The following TRIO variants were observed in gnomAD, a reference collection of about 807,000 sequenced individuals.
The protein encoded by TRIO is triple functional domain protein.
Under a neutral mutation model 351.9 loss-of-function variants are expected in TRIO, and 58 were observed. The observed-to-expected ratio is 0.16, with a 90% CI of 0.13 to 0.21. TRIO has a LOEUF of 0.21. Ranked by LOEUF, TRIO falls within the 10% of genes least tolerant of loss-of-function variation. The pLI, the probability that TRIO is intolerant of heterozygous loss-of-function variation, is 1.00. For synonymous variants in TRIO, 1,758 were observed against 1,595.7 expected (o/e 1.10, Z -2.42); for missense variants, 3,201 against 4,027.8 (o/e 0.79, Z 5.56).
chr5:14,481,530 C>A lies in TRIO; in HGVS notation c.6388-11C>A. ...ACTTGAGCTTTCACTCTTCTCTCTCCCCTCCCACAGAGAGCTGTGGAAGTC... is the reference window on the plus strand; with the variant it reads ...ACTTGAGCTTTCACTCTTCTCTCTCACCTCCCACAGAGAGCTGTGGAAGTC... On this transcript the variant is annotated splice_polypyrimidine_tract_variant and intron_variant, in intron 44 of 56. Transcript: ENST00000344204. The A allele has an allele frequency of 6.2e-7, 1 of 1,613,842 alleles. No individual in the cohort carries two copies.
chr5:14,174,934 C>T (rs1789317508), intron 1 of TRIO, among the ~76,000 whole-genome samples: 1 of 152,172 alleles, frequency 6.6e-6, no homozygotes, highest in Admixed American at 6.5e-5. Context: ...ACAGATCTCT[C>T]AAAATGTTGT....
chr5:14,298,667 C>T (rs1192782362), intron 7 of TRIO, among the ~76,000 whole-genome samples: 1 of 152,146 alleles, frequency 6.6e-6, no homozygotes, highest in African/African-American at 2.4e-5. Context: ...GTGATCTCAA[C>T]TCTAGAGACC....
At chr5:14,504,675 G>A (rs1180244355) in intron 55 of TRIO, 82 bp downstream of exon 55, 9 of 1,504,426 alleles carry the variant, frequency 6.0e-6, no homozygotes, top group Non-Finnish European at 8.1e-6. Flanking sequence ...TGTTCTCTAA[G>A]AAGGATAGAA....
Position 14,498,747 on chromosome 5 carries a change from G to A in TRIO, c.8332+107G>A, listed in dbSNP as rs1275002041. 8 of 1,511,416 alleles carry A rather than the reference G, an allele frequency of 5.3e-6. No individual in the cohort carries two copies. The East Asian group carries it at 9.2e-5, about 17-fold the overall frequency. 93.6% of individuals were successfully genotyped at this position (1,511,416 alleles called of 1,614,324 possible). ...TACACTCCAAGTGGCCTGAAAGATA[G>A]AACAATAAGTCATTTGTGGGGCTTC... On this transcript the variant is annotated intron_variant, in intron 53 of 56. Transcript: ENST00000344204.
At chr5:14,444,909 A>G (rs1752325848) in intron 34 of TRIO, among the ~76,000 whole-genome samples, 1 of 152,212 alleles carries the variant, frequency 6.6e-6, no homozygotes, top group African/African-American at 2.4e-5. Flanking sequence ...AGAAACCCAC[A>G]GGTCCCAGGT....
chr5:14,301,963 T>C (rs1447899530), intron 7 of TRIO, among the ~76,000 whole-genome samples: 2 of 152,192 alleles, frequency 1.3e-5, no homozygotes, highest in East Asian at 1.9e-4. Context: ...TGGGCTGTTA[T>C]TAACCCAGAA....
chr5:14,284,189 T>C (rs1488541873), intron 3 of TRIO, among the ~76,000 whole-genome samples: 1 of 152,242 alleles, frequency 6.6e-6, no homozygotes, highest in African/African-American at 2.4e-5. Flanking sequence ...GGGGACCTTA[T>C]TTTTATGTGA....
At chr5:14,176,867 C>A (rs897002458) in intron 1 of TRIO, among the ~76,000 whole-genome samples, 1 of 152,186 alleles carries the variant, frequency 6.6e-6, no homozygotes, top group Non-Finnish European at 1.5e-5. Context: ...AAGTCACAGG[C>A]ACTTGAAAAT....
chr5:14,385,006 A>C (rs958105627), intron 21 of TRIO, among the ~76,000 whole-genome samples: 1 of 152,232 alleles, frequency 6.6e-6, no homozygotes, highest in Non-Finnish European at 1.5e-5. Flanking sequence ...GAGATCATCA[A>C]CTTTACTTAA....
intron 1 of TRIO, among the ~76,000 whole-genome samples, chr5:14,165,964 C>G (rs1171251531): frequency 3.9e-5 from 6 of 152,250 alleles, no homozygotes; most frequent in Non-Finnish European, 2.9e-5. Context: ...CCTTATCATT[C>G]TGTTTTAGCT....
chr5:14,196,322 C>A (rs915318083), intron 1 of TRIO, among the ~76,000 whole-genome samples: 5 of 149,076 alleles, frequency 3.4e-5, no homozygotes, highest in Non-Finnish European at 5.9e-5. Context: ...ACTCGGGAGG[C>A]TGAGGCAGGA....
intron 1 of TRIO, among the ~76,000 whole-genome samples, chr5:14,263,803 T>A (rs535059998): frequency 5.9e-5 from 9 of 152,238 alleles, no homozygotes; most frequent in African/African-American, 1.9e-4. Context: ...TAACTCCAGT[T>A]CCAGAATACA....
chr5:14,324,054 G>C (rs1740144535), intron 9 of TRIO, among the ~76,000 whole-genome samples: 1 of 152,164 alleles, frequency 6.6e-6, no homozygotes, highest in South Asian at 2.1e-4. Flanking sequence ...AGAAAGCTCA[G>C]AATGTAATAT....
At chr5:14,343,427 AC>A (rs1464979652) in intron 11 of TRIO, among the ~76,000 whole-genome samples, 45 of 152,156 alleles carry the variant, frequency 3.0e-4, no homozygotes, top group African/African-American at 1.1e-3. Flanking sequence ...TCCATCTCTA[AC>A]CCCTGGCAAC....
At chr5:14,502,983 A>T (rs541893700) in intron 54 of TRIO, among the ~76,000 whole-genome samples, 1 of 152,326 alleles carries the variant, frequency 6.6e-6, no homozygotes, top group African/African-American at 2.4e-5. Flanking sequence ...CGCTTCTTGT[A>T]GTTCTTAATC....
In TRIO at chr5:14,185,967, C is replaced by G. The variant is rs138259978; in HGVS notation, c.157+42085C>G. ...CAAAAGGCCGATTCCTAGTTGTGCC[C>G]TAGTAAATGTTTTCAGAATATTTTC... On this transcript the variant is annotated intron_variant, in intron 1 of 56. Transcript: ENST00000344204. Among the ~76,000 whole-genome samples, 32 of 152,276 alleles carry G rather than the reference C, an allele frequency of 2.1e-4. No individual in the cohort carries two copies. The East Asian group carries it at 5.8e-3, about 28-fold the overall frequency.
rs568222066 is a variant in TRIO, at chr5:14,278,098, C to T, written c.233-2224C>T. 2.0e-5 allele frequency among the ~76,000 whole-genome samples: 3 copies of T among 152,300 alleles called. No individual in the cohort carries two copies. In the South Asian group the frequency reaches 6.2e-4, roughly 32 times the overall value. On this transcript the variant is annotated intron_variant, in intron 2 of 56. Transcript: ENST00000344204. ...TATAAGCTTTTCTTAGGACATGACT[C>T]AGCGCCTAAGCAGATGAACTTGGTA...
At chr5:14,380,597 A>G (rs1372853364) in intron 20 of TRIO, among the ~76,000 whole-genome samples, 1 of 150,284 alleles carries the variant, frequency 6.7e-6, no homozygotes, top group Non-Finnish European at 1.5e-5. Flanking sequence ...CATGGTTACA[A>G]GAAACTCAAA....
Position 14,336,574 on chromosome 5 carries a change from A to G in TRIO, c.1893A>G (p.Ala631=), listed in dbSNP as rs1741438672. The G allele has an allele frequency of 6.2e-7, 1 of 1,614,116 alleles. No individual in the cohort carries two copies. Among genetic ancestry groups the G allele is most frequent in the Admixed American group, 1.7e-5 (1 of 60,006 alleles). Residue 631 remains alanine, a synonymous_variant, in exon 11 of 57, where the codon GCA becomes GCG. Coordinates refer to ENST00000344204, the MANE Select transcript of TRIO (RefSeq NM_007118.4). ...YTNADKLLEA[A]EQLAQTGECD... is the part of the protein sequence containing the mutation. ...ATGCGGATAAATTACTGGAAGCAGC[A>G]GAACAGCTGGCTCAGACTGGGGAAT...
Sources: gnomAD v4.1 joint callset for allele counts (sites outside exome capture counted in the v4.1 genomes callset) on GRCh38, gnomAD v4.1.1 for gene constraint, MANE v1.5 for transcripts, NCBI Gene and HGNC (gene_info 2026-07-23, HGNC 2026-07-21) for gene names.